Variants in LRPAP1 observed in about 807,000 individuals in gnomAD.
LRPAP1 encodes the protein alpha-2-macroglobulin receptor-associated protein.
In LRPAP1, 41 loss-of-function variants were observed where a neutral mutation model predicts 39.9. That is an observed-to-expected ratio of 1.03 (90% CI 0.80 to 1.33). LRPAP1 has a LOEUF of 1.33. LRPAP1 is among the 40% of genes most tolerant of loss of function. The pLI is 0.00. For synonymous variants in LRPAP1, 263 were observed against 212.7 expected (o/e 1.24, Z -2.06); for missense variants, 565 against 482.3 (o/e 1.17, Z -1.61).
rs1729465196 is a variant in LRPAP1 at position 3,510,131 on chromosome 4, A to G, written c.*2843T>C. On this transcript the variant is annotated 3_prime_UTR_variant, in exon 8 of 8. Coordinates refer to ENST00000650182, the MANE Select transcript of LRPAP1 (RefSeq NM_002337.4). ...TTTATTATAAACCCAACTGTAGCCA[A>G]GACAGTGTGGCGGCCGGGCACCATG... 1 of 152,204 alleles carries G rather than the reference A, an allele frequency of 6.6e-6. No individual in the cohort carries two copies. Among genetic ancestry groups the G allele is most frequent in the Non-Finnish European group, 1.5e-5 (1 of 68,042 alleles). The allele number at this position is 152,204 out of a possible 1,614,324, so 9.4% of individuals were successfully genotyped here.
intron 4 of LRPAP1, among the ~76,000 whole-genome samples, 178 bp from the exon 5 acceptor site, chr4:3,518,370 C>CCAGGCGACA (rs1553854023): frequency 6.6e-6 from 1 of 151,410 alleles, no homozygotes; most frequent in Non-Finnish European, 1.5e-5. Context: ...AGCTTCCTTT[C>CCAGGCGACA]CAGGCGAGAC....
In LRPAP1 at chr4:3,505,172, C is replaced by T. The variant is rs1022902587; in HGVS notation, c.*7802G>A. 5.9e-5 allele frequency among the ~76,000 whole-genome samples: 9 copies of T among 152,178 alleles called. No individual in the cohort carries two copies. The highest frequency in any genetic ancestry group is 2.0e-4 in the Admixed American group (3 of 15,290). ...CAGGTTGTGCCTGAGCTCACGGACA[C>T]GAGGAAGAAGGGCGACCGTGTCCTG... is the stretch of plus-strand genomic sequence containing the variant. On this transcript the variant is annotated 3_prime_UTR_variant, in exon 8 of 8. Transcript: ENST00000650182.
At chr4:3,516,323 T>A in intron 5 of LRPAP1, 125 bp from the exon 6 acceptor site, 2 of 614,788 alleles carry the variant, frequency 3.3e-6, no homozygotes, top group Non-Finnish European at 5.5e-6. Flanking sequence ...TGCATGTGTG[T>A]GAAACACGGG....
In LRPAP1 at chr4:3,526,729, G is replaced by C. The variant is rs115465657; in HGVS notation, c.205-1678C>G. Among the ~76,000 whole-genome samples, 357 of 152,324 alleles carry C rather than the reference G, an allele frequency of 2.3e-3. 2 individuals are homozygous for C. The highest frequency in any genetic ancestry group is 7.9e-3 in the African/African-American group (330 of 41,570). ...GGAACCTCCTCGCCTCACTCTGCCT[G>C]TATCTAGACTGAGCCCATCCTGCTC... On this transcript the variant is annotated intron_variant, in intron 1 of 7. Coordinates refer to ENST00000650182, the MANE Select transcript of LRPAP1 (RefSeq NM_002337.4).
In LRPAP1 at chr4:3,507,527, T is replaced by C. The variant is rs1396393212; in HGVS notation, c.*5447A>G. ...TACTGACATTTGCTTTGGGTCCTAG[T>C]ACCTCGTCCATTTTTAAAAGATTCC... On this transcript the variant is annotated 3_prime_UTR_variant, in exon 8 of 8. Transcript: ENST00000650182. The C allele has an allele frequency of 6.6e-6, 1 of 152,264 alleles. No homozygotes were observed. Among genetic ancestry groups the C allele is most frequent in the Non-Finnish European group, 1.5e-5 (1 of 68,042 alleles). 9.4% of individuals were successfully genotyped at this position (152,264 alleles called of 1,614,324 possible). A position where few individuals can be genotyped will look rare whatever the true frequency, so the allele number is the denominator to read the frequency against.
chr4:3,525,231 A>G (rs1010992475), intron 1 of LRPAP1, 180 bp from the exon 2 acceptor site: 1 of 649,096 alleles, frequency 1.5e-6, no homozygotes. Flanking sequence ...CAACATGGAC[A>G]CCAGTCTCTA....
Position 3,532,354 on chromosome 4 carries a change from A to G in LRPAP1, c.59T>C (p.Leu20Pro), listed in dbSNP as rs776803111. ...AGCGGGCCAGGGCCCGAGGAAGAGC[A>G]GCAGCAGTAGCAGCGCCGGGAGCCC... is the stretch of plus-strand genomic sequence containing the variant. ...LRGLPALLLL[L>P]LFLGPWPAAS... The change falls in exon 1 of 8, where the codon CTG (leucine) becomes CCG (proline). Residue 20 changes from leucine (L) to proline (P), a missense_variant. Transcript: ENST00000650182. 63 of 1,593,752 alleles carry G rather than the reference A, an allele frequency of 4.0e-5. No homozygotes were observed. Among genetic ancestry groups the G allele is most frequent in the Non-Finnish European group, 8.5e-6 (10 of 1,170,654 alleles).
intron 3 of LRPAP1, among the ~76,000 whole-genome samples, 194 bp downstream of exon 3, chr4:3,519,878 A>G (rs867798168): frequency 6.6e-6 from 1 of 152,214 alleles, no homozygotes; most frequent in African/African-American, 2.4e-5. Context: ...AAGAGCAAGG[A>G]ATCTTCTAAA....
Position 3,520,220 on chromosome 4 carries a change from A to T in LRPAP1, c.350-27T>A, listed in dbSNP as rs574224753. ...TAGGAGAGAGGGGAGGTTCTATTTG[A>T]TATGGTTTCCTGTGAAAAACAGTCA... On this transcript the variant is annotated intron_variant, in intron 2 of 7. Coordinates refer to ENST00000650182, the MANE Select transcript of LRPAP1 (RefSeq NM_002337.4). 14 of 1,603,088 alleles carry T rather than the reference A, an allele frequency of 8.7e-6. 1 individual carries two copies. In the South Asian group the frequency reaches 1.2e-4, roughly 14 times the overall value.
chr4:3,517,027 TC>T (rs547912663), intron 5 of LRPAP1, among the ~76,000 whole-genome samples: 177 of 152,338 alleles, frequency 1.2e-3, no homozygotes, highest in African/African-American at 3.9e-3. Flanking sequence ...GCCAGGCTCA[TC>T]CGGGTCTCTC....
intron 2 of LRPAP1, among the ~76,000 whole-genome samples, chr4:3,523,426 T>C (rs1263566668): frequency 1.3e-5 from 2 of 152,172 alleles, no homozygotes; most frequent in Non-Finnish European, 2.9e-5. Context: ...TTGAACATGG[T>C]GGCATAAACC....
chr4:3,512,976 A>G lies in LRPAP1; in HGVS notation c.1072T>C (p.Ter358ArgextTer66). The change falls in exon 8 of 8, where the codon TGA becomes CGA. Residue 358 changes from the stop codon to arginine, a stop_lost. Coordinates refer to ENST00000650182, the MANE Select transcript of LRPAP1 (RefSeq NM_002337.4). ...CCGGGCTGGGCTCCCCAATGCCTTC[A>G]GAGTTCGTTGTGCCGAGCTCTGGAG... is the stretch of plus-strand genomic sequence containing the variant. ...RISRARHNEL* is the reference protein window; with the variant it reads ...RISRARHNELR The G allele has an allele frequency of 6.2e-7, 1 of 1,610,696 alleles. No homozygotes were observed. Among genetic ancestry groups the G allele is most frequent in the East Asian group, 2.2e-5 (1 of 44,724 alleles).
At position 3,505,904 on chromosome 4, in the gene LRPAP1, A is replaced by G. The variant is rs1217193036; in HGVS notation, c.*7070T>C. Among the ~76,000 whole-genome samples, 1 of 152,138 alleles carries G rather than the reference A, an allele frequency of 6.6e-6. No individual in the cohort carries two copies. The highest frequency in any genetic ancestry group is 2.4e-5 in the African/African-American group (1 of 41,440). On this transcript the variant is annotated 3_prime_UTR_variant, in exon 8 of 8. Transcript: ENST00000650182. ...GGGCTGAGCTGGGACCAGCTCTTCC[A>G]CTGCCCTGCTCCGAGCCTGCTCTGG...
rs78869014 is a variant in LRPAP1, at chr4:3,506,125, C to T, written c.*6849G>A. 0.033 allele frequency among the ~76,000 whole-genome samples: 4,997 copies of T among 152,112 alleles called. 117 individuals carry two copies. Among genetic ancestry groups the T allele is most frequent in the Admixed American group, 0.06 (921 of 15,278 alleles). On this transcript the variant is annotated 3_prime_UTR_variant, in exon 8 of 8. Transcript: ENST00000650182. ...TTATCCATGCTGGAGAGCAATGGCACGATTTTGGCTCACTGCAAACTCTGT... is the reference window on the plus strand; with the variant it reads ...TTATCCATGCTGGAGAGCAATGGCATGATTTTGGCTCACTGCAAACTCTGT...
At chr4:3,513,951 G>A (rs544440734) in intron 7 of LRPAP1, among the ~76,000 whole-genome samples, 39 of 152,374 alleles carry the variant, frequency 2.6e-4, no homozygotes, top group African/African-American at 8.7e-4. Context: ...GGTGCCTCAG[G>A]CAGTGCCACA....
Position 3,507,482 on chromosome 4 carries a change from A to ATACGT in LRPAP1, c.*5491_*5492insACGTA, listed in dbSNP as rs1560247970. 3 of 148,482 alleles carry ATACGT rather than the reference A, an allele frequency of 2.0e-5. No individual in the cohort carries two copies. Among genetic ancestry groups the ATACGT allele is most frequent in the African/African-American group, 7.5e-5 (3 of 40,118 alleles). The allele number at this position is 148,482 out of a possible 1,614,324, so 9.2% of individuals were successfully genotyped here. On this transcript the variant is annotated 3_prime_UTR_variant, in exon 8 of 8. Coordinates refer to ENST00000650182, the MANE Select transcript of LRPAP1 (RefSeq NM_002337.4). ...TTATTTACCTACATATCATATATTT[A>ATACGT]TACATTATCATCTGCGAATTACTGA...
chr4:3,516,459 C>G (rs557793683), intron 5 of LRPAP1, among the ~76,000 whole-genome samples: 1 of 134,742 alleles, frequency 7.4e-6, no homozygotes, highest in Non-Finnish European at 1.6e-5. Flanking sequence ...CCAGAAACAC[C>G]TGCCTCCATC....
intron 1 of LRPAP1, among the ~76,000 whole-genome samples, chr4:3,526,944 A>G (rs996041552): frequency 2.0e-5 from 3 of 152,184 alleles, no homozygotes; most frequent in Admixed American, 6.5e-5. Context: ...ATGAATTCAG[A>G]TTACTGAGCC....
chr4:3,529,936 T>C (rs1730198822), intron 1 of LRPAP1, among the ~76,000 whole-genome samples: 1 of 152,132 alleles, frequency 6.6e-6, no homozygotes. Flanking sequence ...TGAGCGCAGG[T>C]CGCAGGAGGC....
Sources: allele counts gnomAD v4.1 joint callset (sites outside exome capture counted in the v4.1 genomes callset), GRCh38; gene constraint gnomAD v4.1.1; transcripts MANE v1.5; gene names NCBI Gene and HGNC (gene_info 2026-07-23, HGNC 2026-07-21).